Variants in CAP2 observed in about 807,000 individuals in gnomAD.
CAP2 encodes adenylyl cyclase-associated protein 2.
CAP2 carries 24 observed loss-of-function variants against 57.7 expected under a neutral mutation model. That is an observed-to-expected ratio of 0.42 (90% CI 0.30 to 0.58). The LOEUF is 0.58. Among genes scored for constraint, CAP2 ranks in the 20% least tolerant of loss-of-function variants. CAP2 has a pLI of 0.22. For missense variants in CAP2, 501 were observed against 590.3 expected, an observed-to-expected ratio of 0.85 and a Z score of 1.57; for synonymous variants, 194 against 207.2, an observed-to-expected ratio of 0.94 and a Z score of 0.55.
chr6:17,427,951 T>C (rs1759634029), intron 3 of CAP2, among the ~76,000 whole-genome samples: 1 of 152,176 alleles, frequency 6.6e-6, no homozygotes, highest in Admixed American at 6.5e-5. Context: ...GTCAAATTTG[T>C]GGAGACAAAG....
At chr6:17,484,743 T>C (rs1761379879) in intron 4 of CAP2, among the ~76,000 whole-genome samples, 1 of 152,178 alleles carries the variant, frequency 6.6e-6, no homozygotes, top group Non-Finnish European at 1.5e-5. Context: ...ATTTGTCTTA[T>C]GTAGAATTGC....
chr6:17,420,670 T>A (rs796966035), intron 1 of CAP2, among the ~76,000 whole-genome samples: 1 of 152,236 alleles, frequency 6.6e-6, no homozygotes, highest in South Asian at 2.1e-4. Context: ...TTTCCATATA[T>A]GTTTTGTGGG....
intron 4 of CAP2, among the ~76,000 whole-genome samples, chr6:17,497,339 G>A (rs921911234): frequency 7.9e-5 from 12 of 152,152 alleles, no homozygotes; most frequent in Admixed American, 2.0e-4. Context: ...AAAATTCATC[G>A]CTGTCAGAAG....
chr6:17,424,486 C>T (rs1759531600), intron 2 of CAP2, among the ~76,000 whole-genome samples: 2 of 152,184 alleles, frequency 1.3e-5, no homozygotes, highest in Admixed American at 6.5e-5. Context: ...TATTATGATA[C>T]TGGTATTATG....
rs532827670 is a variant in CAP2 at position 17,466,433 on chromosome 6, C to T, written c.300+3360C>T. 1.6e-3 allele frequency among the ~76,000 whole-genome samples: 247 copies of T among 152,332 alleles called. 2 individuals are homozygous for T. The highest frequency in any genetic ancestry group is 1.3e-4 in the Non-Finnish European group (9 of 68,044). On this transcript the variant is annotated intron_variant, in intron 4 of 12. Transcript: ENST00000229922. ...TGTTCCCAGGTGATGTGATACTCCT[C>T]GTCCAGAGACCACACTTTGGATCCT...
chr6:17,438,173 T>C lies in CAP2; in HGVS notation c.222+11483T>C, dbSNP rs76863409. Among the ~76,000 whole-genome samples, 850 of 147,526 alleles carry C rather than the reference T, an allele frequency of 5.8e-3. 15 individuals carry two copies. The highest frequency in any genetic ancestry group is 0.013 in the South Asian group (60 of 4,752). On this transcript the variant is annotated intron_variant, in intron 3 of 12. Transcript: ENST00000229922. The stretch of plus-strand genomic sequence containing the variant: ...ACAAGGTCAGGAGTTCAAGACCAGC[T>C]TGGCCAACATGGTGAAACCCCGTCT...
In CAP2 at chr6:17,513,351, G is replaced by A. The variant is rs1040187292; in HGVS notation, c.531-498G>A. ...ACCAACTTCTTTGTCAGTCATAATG[G>A]CTAAAATTCTCCAATTTGGTTATAC... On this transcript the variant is annotated intron_variant, in intron 6 of 12. Coordinates refer to ENST00000229922, the MANE Select transcript of CAP2 (RefSeq NM_006366.3). This position sits in a 1 kb window ranked among gnomAD's most constrained non-coding sequence, Gnocchi z 4.3. 3.3e-5 allele frequency among the ~76,000 whole-genome samples: 5 copies of A among 151,994 alleles called. No individual in the cohort carries two copies. Among genetic ancestry groups the A allele is most frequent in the Admixed American group, 2.6e-4 (4 of 15,250 alleles).
chr6:17,540,801 A>G (rs1352147891), intron 8 of CAP2, among the ~76,000 whole-genome samples, 172 bp from the exon 9 acceptor site: 6 of 152,176 alleles, frequency 3.9e-5, no homozygotes, highest in African/African-American at 1.4e-4. Flanking sequence ...GTCAACTCTC[A>G]ACTTGTACAG....
At chr6:17,495,732 A>T (rs1298385332) in intron 4 of CAP2, among the ~76,000 whole-genome samples, 1 of 152,196 alleles carries the variant, frequency 6.6e-6, no homozygotes, top group Non-Finnish European at 1.5e-5. Flanking sequence ...TGTGTGCTGC[A>T]AAAGAAAAAG....
chr6:17,423,450 A>T (rs1358147743), intron 2 of CAP2, among the ~76,000 whole-genome samples: 1 of 152,194 alleles, frequency 6.6e-6, no homozygotes, highest in Admixed American at 6.5e-5. Context: ...AATAAACCTT[A>T]TTTGTAAGAA....
intron 4 of CAP2, among the ~76,000 whole-genome samples, chr6:17,485,595 T>C (rs139219880): frequency 1.3e-5 from 2 of 152,352 alleles, no homozygotes; most frequent in African/African-American, 4.8e-5. Flanking sequence ...CTGAGCTGAT[T>C]TCCACTGACC....
At chr6:17,414,686 G>T (rs1750007065) in intron 1 of CAP2, among the ~76,000 whole-genome samples, 2 of 152,080 alleles carry the variant, frequency 1.3e-5, no homozygotes, top group Admixed American at 1.3e-4. Context: ...CCATGTCTTT[G>T]TTATTGTAAA....
chr6:17,539,178 T>A (rs1762841887), intron 7 of CAP2, 91 bp from the exon 8 acceptor site: 2 of 1,196,968 alleles, frequency 1.7e-6, no homozygotes, highest in Non-Finnish European at 2.4e-6. Flanking sequence ...CCCCACTCTC[T>A]CATTGGCAGC....
intron 3 of CAP2, among the ~76,000 whole-genome samples, chr6:17,436,084 T>TC (rs1441575940): frequency 0.03 from 3,939 of 130,576 alleles, 169 homozygotes; most frequent in African/African-American, 0.11. Context: ...TTTCTTTCTT[T>TC]CTTTCCTTCC....
intron 12 of CAP2, among the ~76,000 whole-genome samples, chr6:17,552,505 C>T (rs747425105): frequency 5.3e-5 from 8 of 152,014 alleles, no homozygotes; most frequent in Non-Finnish European, 1.0e-4. Flanking sequence ...AAAAATTAGC[C>T]GTGTGAATCC....
chr6:17,395,713 T>C (rs902811400), intron 1 of CAP2, among the ~76,000 whole-genome samples: 2 of 152,238 alleles, frequency 1.3e-5, no homozygotes, highest in African/African-American at 4.8e-5. Flanking sequence ...CATGAGGTTT[T>C]GTTTTGTTTT....
At chr6:17,464,574 T>C (rs9370993) in intron 4 of CAP2, among the ~76,000 whole-genome samples, 72,154 of 151,622 alleles carry the variant, frequency 0.48, 18,304 homozygotes, top group East Asian at 0.81. Context: ...TGTGACTTCA[T>C]TGGTCTGAGG....
chr6:17,438,433 GT>G (rs773266583), intron 3 of CAP2, among the ~76,000 whole-genome samples: 30 of 58,376 alleles, frequency 5.1e-4, no homozygotes, highest in African/African-American at 9.0e-4. Flanking sequence ...ATCCAGAAGT[GT>G]TTTTTTTTTT....
At chr6:17,424,210 C>T (rs1759519909) in intron 2 of CAP2, among the ~76,000 whole-genome samples, 1 of 152,102 alleles carries the variant, frequency 6.6e-6, no homozygotes, top group Admixed American at 6.5e-5. Flanking sequence ...ACCATCCTGG[C>T]TAACACGGTG....
Sources: gnomAD v4.1 joint callset for allele counts (sites outside exome capture counted in the v4.1 genomes callset) on GRCh38, gnomAD v4.1.1 for gene constraint, Gnocchi (gnomAD v3.1) non-coding constraint, MANE v1.5 for transcripts, NCBI Gene and HGNC (gene_info 2026-07-23, HGNC 2026-07-21) for gene names.